The following ADARB2 variants were observed in gnomAD, a reference collection of about 807,000 sequenced individuals.
ADARB2 encodes the protein inactive double-stranded RNA-specific editase B2.
A neutral mutation model predicts 62.2 loss-of-function variants in ADARB2; 25 were observed. The ratio of observed to expected loss-of-function variants is 0.40; its 90% CI spans 0.29 to 0.56. The LOEUF (loss-of-function observed/expected upper bound fraction) is 0.56, where lower values mean the gene tolerates loss of function less well. ADARB2 is among the 20% of genes least tolerant of loss of function. The pLI, the probability that ADARB2 is intolerant of heterozygous loss-of-function variation, is 0.43. For synonymous variants in ADARB2, 572 were observed against 500.8 expected (o/e 1.14, Z -1.90); for missense variants, 1,071 against 1,077.4 (o/e 0.99, Z 0.08).
intron 1 of ADARB2, among the ~76,000 whole-genome samples, chr10:1,583,590 G>T (rs992559837): frequency 6.6e-6 from 1 of 152,166 alleles, no homozygotes; most frequent in African/African-American, 2.4e-5. Flanking sequence ...AGAAATTCAA[G>T]AACCAAATGA....
intron 1 of ADARB2, among the ~76,000 whole-genome samples, chr10:1,551,712 T>C (rs1588299097): frequency 6.6e-6 from 1 of 152,164 alleles, no homozygotes; most frequent in Admixed American, 6.5e-5. Context: ...TGGGATTGGC[T>C]CCAAAATCCC....
At chr10:1,266,935 A>G (rs1831210189) in intron 4 of ADARB2, among the ~76,000 whole-genome samples, 1 of 152,196 alleles carries the variant, frequency 6.6e-6, no homozygotes, top group Admixed American at 6.5e-5. Flanking sequence ...AAATTTAAGA[A>G]ATCTCCAAAA....
intron 1 of ADARB2, among the ~76,000 whole-genome samples, chr10:1,684,310 G>A (rs1834575038): frequency 6.6e-6 from 1 of 152,180 alleles, no homozygotes; most frequent in African/African-American, 2.4e-5. Flanking sequence ...CAAACTTCCA[G>A]GGCCTGTACG....
In ADARB2 at chr10:1,402,961, C is replaced by T. The variant is rs374521850; in HGVS notation, c.101-23801G>A. 3.3e-5 allele frequency among the ~76,000 whole-genome samples: 5 copies of T among 152,376 alleles called. No homozygotes were observed. The East Asian group carries it at 5.8e-4, about 18-fold the overall frequency. On this transcript the variant is annotated intron_variant, in intron 1 of 9. Transcript: ENST00000381312. ...CCACGCCCAGATGCCACCCTCCTCC[C>T]TGGTGTTTGTTCCGTGAGGGGCACA... is the stretch of plus-strand genomic sequence containing the variant.
chr10:1,179,383 A>T lies in ADARB2; in HGVS notation c.*3810T>A, dbSNP rs1457632432. The T allele has an allele frequency of 6.6e-6, 1 of 152,264 alleles. No individual in the cohort carries two copies. The highest frequency in any genetic ancestry group is 1.5e-5 in the Non-Finnish European group (1 of 68,052). The allele number at this position is 152,264 out of a possible 1,614,324, so 9.4% of individuals were successfully genotyped here. On this transcript the variant is annotated 3_prime_UTR_variant, in exon 10 of 10. Coordinates refer to ENST00000381312, the MANE Select transcript of ADARB2 (RefSeq NM_018702.4). ...GATAGATATATACAGATGTAAAGAG[A>T]ATCACAGGAATGGAAAGGAAACAAT...
chr10:1,249,111 A>G (rs867628322), intron 4 of ADARB2, among the ~76,000 whole-genome samples: 2 of 152,250 alleles, frequency 1.3e-5, no homozygotes, highest in South Asian at 4.1e-4. Flanking sequence ...TCCCTGCAAC[A>G]TGGGCTTATT....
chr10:1,567,611 T>C (rs1456991066), intron 1 of ADARB2, among the ~76,000 whole-genome samples: 1 of 152,212 alleles, frequency 6.6e-6, no homozygotes, highest in East Asian at 1.9e-4. Context: ...TGGCCAGGCA[T>C]GGAGGCTTCG....
intron 1 of ADARB2, among the ~76,000 whole-genome samples, chr10:1,669,756 T>A (rs1461922078): frequency 3.2e-4 from 36 of 111,560 alleles, no homozygotes; most frequent in African/African-American, 5.3e-4. Context: ...ACAGACACAC[T>A]CATAGAGAAA....
At chr10:1,501,410 A>G (rs899290979) in intron 1 of ADARB2, among the ~76,000 whole-genome samples, 21 of 152,212 alleles carry the variant, frequency 1.4e-4, no homozygotes, top group African/African-American at 5.1e-4. Flanking sequence ...GCCCAGTTGT[A>G]TCAGAAGCCC....
At chr10:1,667,045 G>A (rs893732429) in intron 1 of ADARB2, among the ~76,000 whole-genome samples, 59 of 152,266 alleles carry the variant, frequency 3.9e-4, no homozygotes, top group African/African-American at 1.4e-3. Flanking sequence ...CATCTGTAAC[G>A]GCAGTTGACT....
intron 1 of ADARB2, among the ~76,000 whole-genome samples, chr10:1,569,945 A>C (rs938500601): frequency 1.3e-5 from 2 of 152,136 alleles, no homozygotes; most frequent in Non-Finnish European, 2.9e-5. Flanking sequence ...AAAATAATTC[A>C]CATTGTTGGT....
In ADARB2 at chr10:1,363,587, G is replaced by T. The variant is rs150371863; in HGVS notation, c.518C>A (p.Thr173Asn). ...CGCGCGCATCTTGGCCTTCTTCTTG[G>T]TGGGGCCTGTGCCCTCGAACGTGAG... ...NGLTFEGTGPTKKKAKMRAAE... is the reference protein window; with the variant it reads ...NGLTFEGTGPNKKKAKMRAAE... Residue 173 changes from threonine to asparagine, a missense_variant, in exon 3 of 10, where the codon ACC becomes AAC. Thr to Asn is a moderately conservative substitution (Grantham distance 65, BLOSUM62 0). Coordinates refer to ENST00000381312, the MANE Select transcript of ADARB2 (RefSeq NM_018702.4). 13 of 1,592,372 alleles carry T rather than the reference G, an allele frequency of 8.2e-6. No individual in the cohort carries two copies. The highest frequency in any genetic ancestry group is 2.8e-5 in the African/African-American group (2 of 72,576).
chr10:1,485,286 G>A (rs139667712), intron 1 of ADARB2, among the ~76,000 whole-genome samples: 1 of 152,156 alleles, frequency 6.6e-6, no homozygotes, highest in East Asian at 1.9e-4. Flanking sequence ...TTGGAGGTAG[G>A]TACCTATGTA....
At chr10:1,252,066 A>G (rs890951441) in intron 4 of ADARB2, among the ~76,000 whole-genome samples, 4 of 152,178 alleles carry the variant, frequency 2.6e-5, no homozygotes, top group African/African-American at 7.2e-5. Flanking sequence ...TCCCCAGCAC[A>G]TTACCCATCT....
intron 1 of ADARB2, among the ~76,000 whole-genome samples, chr10:1,441,028 A>G (rs1261652574): frequency 6.6e-6 from 1 of 152,234 alleles, no homozygotes; most frequent in Non-Finnish European, 1.5e-5. Context: ...CTGGTGGACC[A>G]GTTTCTCAGC....
At chr10:1,385,303 T>C (rs927795415) in intron 1 of ADARB2, among the ~76,000 whole-genome samples, 1 of 151,772 alleles carries the variant, frequency 6.6e-6, no homozygotes, top group African/African-American at 2.4e-5. Context: ...CAGAAAAAAA[T>C]ATAGTCGAAG....
At chr10:1,589,352 T>C (rs1279434650) in intron 1 of ADARB2, among the ~76,000 whole-genome samples, 1 of 151,976 alleles carries the variant, frequency 6.6e-6, no homozygotes, top group Non-Finnish European at 1.5e-5. Context: ...GATCAGGGCA[T>C]CCATGGTAGG....
At chr10:1,456,501 A>G (rs1831097511) in intron 1 of ADARB2, among the ~76,000 whole-genome samples, 1 of 151,876 alleles carries the variant, frequency 6.6e-6, no homozygotes, top group Non-Finnish European at 1.5e-5. Flanking sequence ...AACACCCCAC[A>G]CTAATTTTCT....
intron 1 of ADARB2, among the ~76,000 whole-genome samples, chr10:1,457,268 G>C (rs905119306): frequency 5.9e-5 from 9 of 152,208 alleles, no homozygotes; most frequent in African/African-American, 2.2e-4. Context: ...TGAGCATGAG[G>C]GCTGGCCAGG....
Sources: allele counts gnomAD v4.1 joint callset (sites outside exome capture counted in the v4.1 genomes callset), GRCh38; gene constraint gnomAD v4.1.1; transcripts MANE v1.5; gene names NCBI Gene and HGNC (gene_info 2026-07-23, HGNC 2026-07-21).